POM121: variants seen among roughly 807,000 people sequenced by gnomAD.
POM121 encodes nuclear envelope pore membrane protein POM 121.
Under a neutral mutation model 81.3 loss-of-function variants are expected in POM121, and 32 were observed. The ratio of observed to expected loss-of-function variants is 0.39; its 90% CI spans 0.30 to 0.53. The LOEUF is 0.53. Among genes scored for constraint, POM121 ranks in the 20% least tolerant of loss-of-function variants. The pLI is 0.66. For missense variants in POM121, 1,138 were observed against 1,614.6 expected, an observed-to-expected ratio of 0.70 and a Z score of 5.06; for synonymous variants, 514 against 694.2, an observed-to-expected ratio of 0.74 and a Z score of 4.08.
In POM121 at chr7:72,925,676, C is replaced by G. The variant is rs568937963; in HGVS notation, c.555C>G (p.Pro185=). The G allele has an allele frequency of 9.4e-6, 11 of 1,166,952 alleles. No homozygotes were observed. The East Asian group carries it at 1.2e-4, about 13-fold the overall frequency. The allele number at this position is 1,166,952 out of a possible 1,614,324, so 72.3% of individuals were successfully genotyped here. A position where few individuals can be genotyped will look rare whatever the true frequency, so the allele number is the denominator to read the frequency against. ...CGCGCTCCCCACCGCCGCGCTCCCC[C>G]CCGCCCTCCCCGCCGACCCATCGCG... The part of the protein sequence containing the change: ...PPPRSPPPRS[P]PPSPPTHRAH... The change falls in exon 1 of 13, where the codon CCC becomes CCG. Residue 185 remains proline, a synonymous_variant. Coordinates refer to ENST00000434423, the MANE Select transcript of POM121 (RefSeq NM_001387691.1).
chr7:72,900,132 T>C (rs529698299), intron 3 of POM121, among the ~76,000 whole-genome samples: 34 of 152,366 alleles, frequency 2.2e-4, no homozygotes, highest in South Asian at 2.1e-3. Flanking sequence ...TTAGCTCGTT[T>C]TCTGATGGCA....
At chr7:72,880,647 G>C (rs1790047647) in intron 1 of POM121, among the ~76,000 whole-genome samples, 2 of 151,960 alleles carry the variant, frequency 1.3e-5, no homozygotes, top group Admixed American at 6.6e-5. Flanking sequence ...CGAGCACTTT[G>C]CGGGGCTAGG....
intron 1 of POM121, among the ~76,000 whole-genome samples, chr7:72,884,219 A>G (rs1359668476): frequency 6.6e-6 from 1 of 152,170 alleles, no homozygotes; most frequent in Non-Finnish European, 1.5e-5. Context: ...TTCTAAAGAT[A>G]AATTTCTATT....
At chr7:72,894,285 TAAAG>T (rs146748302) in intron 3 of POM121, among the ~76,000 whole-genome samples, 2,727 of 145,186 alleles carry the variant, frequency 0.019, 93 homozygotes, top group African/African-American at 0.062. Flanking sequence ...AATAAATAAA[TAAAG>T]ACTCTAGGCC....
At chr7:72,890,553 C>T (rs1430354166) in intron 1 of POM121, 2 of 1,541,248 alleles carry the variant, frequency 1.3e-6, no homozygotes, top group African/African-American at 2.7e-5. Context: ...TTAACTTCAC[C>T]AGTGAGCTTT....
At chr7:72,927,284 G>A (rs771934681) in intron 3 of POM121, among the ~76,000 whole-genome samples, 4 of 152,170 alleles carry the variant, frequency 2.6e-5, no homozygotes, top group African/African-American at 4.8e-5. Context: ...TCTTCCCGTC[G>A]GAATTTTGTG....
Position 72,939,388 on chromosome 7 carries a change from A to G in POM121, c.1420A>G (p.Arg474Gly). 1 of 1,613,918 alleles carries G rather than the reference A, an allele frequency of 6.2e-7. No individual in the cohort carries two copies. Among genetic ancestry groups the G allele is most frequent in the Non-Finnish European group, 8.5e-7 (1 of 1,179,838 alleles). ...TTCTTCAACTCCATTGGCAGCAGAC[A>G]GGGAGTCCCAGGGAGAAAAGGGTAG... ...SSSSTPLAAD[R>G]ESQGEKAADT... Residue 474 changes from arginine to glycine, a missense_variant, in exon 7 of 13, where the codon AGG (arginine) becomes GGG (glycine). Coordinates refer to ENST00000434423, the MANE Select transcript of POM121 (RefSeq NM_001387691.1).
chr7:72,936,855 C>A (rs1311545537), intron 5 of POM121, among the ~76,000 whole-genome samples: 2 of 152,038 alleles, frequency 1.3e-5, no homozygotes, highest in Non-Finnish European at 2.9e-5. Context: ...GCTATGTTGC[C>A]CAGGCTGGTC....
chr7:72,902,117 A>C (rs1792715343), intron 3 of POM121, among the ~76,000 whole-genome samples: 1 of 151,914 alleles, frequency 6.6e-6, no homozygotes, highest in Non-Finnish European at 1.5e-5. Context: ...ATGAAAAAAA[A>C]AACAAAAAAC....
intron 3 of POM121, among the ~76,000 whole-genome samples, chr7:72,908,379 G>A (rs1554493765): frequency 6.6e-6 from 1 of 152,156 alleles, no homozygotes; most frequent in African/African-American, 2.4e-5. Context: ...CTATGACTAG[G>A]GTGTGGGTCA....
At chr7:72,901,311 C>T (rs2129575606) in intron 3 of POM121, among the ~76,000 whole-genome samples, 1 of 149,258 alleles carries the variant, frequency 6.7e-6, no homozygotes, top group East Asian at 2.0e-4. Context: ...AATTCCTGGG[C>T]TGAAGCAATC....
At chr7:72,893,846 C>A (rs1424724810) in intron 3 of POM121, among the ~76,000 whole-genome samples, 2 of 152,180 alleles carry the variant, frequency 1.3e-5, no homozygotes, top group African/African-American at 4.8e-5. Flanking sequence ...TTCGATGAAA[C>A]TCAGTCTTCC....
At chr7:72,899,394 C>T (rs1257564014) in intron 3 of POM121, among the ~76,000 whole-genome samples, 5 of 151,966 alleles carry the variant, frequency 3.3e-5, no homozygotes, top group African/African-American at 7.3e-5. Context: ...GACTGTATCC[C>T]CAATACCTAG....
intron 1 of POM121, 56 bp from the exon 2 acceptor site, chr7:72,926,206 A>T: frequency 6.6e-7 from 1 of 1,506,104 alleles, no homozygotes. Flanking sequence ...TAACCGTTTA[A>T]AAATTTGACA....
upstream of POM121, among the ~76,000 whole-genome samples, chr7:72,922,297 C>T (rs1442133382): frequency 6.6e-6 from 1 of 152,158 alleles, no homozygotes; most frequent in African/African-American, 2.4e-5. Flanking sequence ...ATTCTACTTA[C>T]TAATCCCCTT....
At chr7:72,922,597 C>T (rs1554496161), upstream of POM121, among the ~76,000 whole-genome samples, 10 of 151,536 alleles carry the variant, frequency 6.6e-5, no homozygotes. Flanking sequence ...TATCATGTTG[C>T]CTAGGCTGGT....
intron 3 of POM121, among the ~76,000 whole-genome samples, chr7:72,900,781 G>C (rs1227987302): frequency 6.6e-6 from 1 of 152,064 alleles, no homozygotes; most frequent in East Asian, 1.9e-4. Context: ...TGGGACTAGA[G>C]GTGTGAGCCA....
At chr7:72,887,260 T>C (rs1319187736) in intron 1 of POM121, among the ~76,000 whole-genome samples, 3 of 152,052 alleles carry the variant, frequency 2.0e-5, no homozygotes, top group African/African-American at 7.2e-5. Flanking sequence ...ACATTTGGAA[T>C]AGAACGATGA....
In POM121 at chr7:72,942,213, G is replaced by C. The variant is rs782520079; in HGVS notation, c.2220G>C (p.Lys740Asn). 6 of 1,610,024 alleles carry C rather than the reference G, an allele frequency of 3.7e-6. No individual in the cohort carries two copies. The African/African-American group carries it at 4.1e-5, about 11-fold the overall frequency. ...TCACGGCTCCACCCAAGAGTGAGAA[G>C]GAAGGCCCCACACCGCCTGGCCCTT... ...PIFTAPPKSEKEGPTPPGPSV... is the reference protein window; with the variant it reads ...PIFTAPPKSENEGPTPPGPSV... The change falls in exon 11 of 13, where the codon AAG becomes AAC. Residue 740 changes from lysine (K) to asparagine (N), a missense_variant. By Grantham distance (94) the Lys-to-Asn change is moderately conservative. Transcript: ENST00000434423.
Sources: gnomAD v4.1 joint callset for allele counts (sites outside exome capture counted in the v4.1 genomes callset) on GRCh38, gnomAD v4.1.1 for gene constraint, MANE v1.5 for transcripts, NCBI Gene and HGNC (gene_info 2026-07-23, HGNC 2026-07-21) for gene names.